Variants in TCEA2 observed in about 807,000 individuals in gnomAD.
TCEA2 encodes transcription elongation factor A protein 2.
In TCEA2, 21 loss-of-function variants were observed where a neutral mutation model predicts 40.8. That is an observed-to-expected ratio of 0.51 (90% CI 0.36 to 0.74). The LOEUF (loss-of-function observed/expected upper bound fraction) is 0.74, where lower values mean the gene tolerates loss of function less well. TCEA2 is among the 30% of genes least tolerant of loss of function. The probability of loss-of-function intolerance (pLI) is 0.00; values close to 1 mark genes in which losing one functional copy is unlikely to be tolerated. For synonymous variants in TCEA2, 165 were observed against 162.7 expected, an observed-to-expected ratio of 1.01 and a Z score of -0.11; for missense variants, 326 against 426.5, an observed-to-expected ratio of 0.76 and a Z score of 2.08.
At chr20:64,065,234 G>A (rs1358724047) in intron 1 of TCEA2, among the ~76,000 whole-genome samples, 1 of 152,164 alleles carries the variant, frequency 6.6e-6, no homozygotes, top group East Asian at 1.9e-4. Flanking sequence ...ATCACCTCAA[G>A]GCTGGACTCT....
At chr20:64,060,185 C>T (rs942734640), upstream of TCEA2, among the ~76,000 whole-genome samples, 2 of 152,232 alleles carry the variant, frequency 1.3e-5, no homozygotes, top group Non-Finnish European at 2.9e-5. Context: ...CCAGGAGGGG[C>T]CTCTCTGTGC....
chr20:64,071,409 G>A (rs1402800746), intron 8 of TCEA2, among the ~76,000 whole-genome samples: 4 of 151,650 alleles, frequency 2.6e-5, no homozygotes, highest in East Asian at 1.9e-4. Flanking sequence ...GATGGGACTC[G>A]TGAGGGGCTG....
chr20:64,068,581 G>A (rs79013497), intron 4 of TCEA2, among the ~76,000 whole-genome samples: 4,988 of 152,388 alleles, frequency 0.033, 261 homozygotes, highest in African/African-American at 0.11. Flanking sequence ...ACTGCTGCCA[G>A]GGGGTGATAA....
chr20:64,063,514 C>A, intron 1 of TCEA2, 130 bp downstream of exon 1: 1 of 1,114,448 alleles, frequency 9.0e-7, no homozygotes, highest in Non-Finnish European at 1.3e-6. Context: ...CAGAGACTAA[C>A]CGGGACGCAG....
At chr20:64,061,917 C>T (rs528106992), upstream of TCEA2, among the ~76,000 whole-genome samples, 7 of 151,972 alleles carry the variant, frequency 4.6e-5, no homozygotes, top group African/African-American at 1.4e-4. Flanking sequence ...TTTGTAGAGA[C>T]GGGGTTTCAC....
rs1322255065 is a variant in TCEA2 at position 64,067,023 on chromosome 20, G to A, written c.241+3G>A. 1 of 1,607,500 alleles carries A rather than the reference G, an allele frequency of 6.2e-7. No homozygotes were observed. The highest frequency in any genetic ancestry group is 8.5e-7 in the Non-Finnish European group (1 of 1,176,888). ...CAAGTCCTGGAAGAAGCTCCTGGGT[G>A]CGGCTCAGGCGGTGCCCACTGAGTG... On this transcript the variant is annotated splice_donor_region_variant and intron_variant, in intron 3 of 9. Transcript: ENST00000343484.
Position 64,066,988 on chromosome 20 carries a change from A to G in TCEA2, c.209A>G (p.Lys70Arg). 6.2e-7 allele frequency: 1 copy of G among 1,613,638 alleles called. No individual in the cohort carries two copies. The highest frequency in any genetic ancestry group is 1.1e-5 in the South Asian group (1 of 90,976). ...SSDEEVIALA[K>R]SLIKSWKKLL... ...GATGAGGAGGTCATTGCACTGGCCAAGTCTCTCATCAAGTCCTGGAAGAAG... is the reference window on the plus strand; with the variant it reads ...GATGAGGAGGTCATTGCACTGGCCAGGTCTCTCATCAAGTCCTGGAAGAAG... Residue 70 changes from lysine (K) to arginine (R), a missense_variant, in exon 3 of 10, where the codon AAG becomes AGG. Transcript: ENST00000343484.
At chr20:64,071,764 C>T in intron 8 of TCEA2, 106 bp from the exon 9 acceptor site, 1 of 1,373,546 alleles carries the variant, frequency 7.3e-7, no homozygotes, top group Non-Finnish European at 1.0e-6. Flanking sequence ...GATCAGGTCA[C>T]CTGTGGGAGC....
intron 8 of TCEA2, 22 bp downstream of exon 8, chr20:64,070,657 T>C: frequency 6.5e-7 from 1 of 1,529,138 alleles, no homozygotes; most frequent in Non-Finnish European, 8.8e-7. Flanking sequence ...CTGGGCACCC[T>C]CCCCCGGGCC....
upstream of TCEA2, among the ~76,000 whole-genome samples, chr20:64,061,270 T>A (rs1386714231): frequency 6.6e-6 from 1 of 150,624 alleles, no homozygotes; most frequent in Non-Finnish European, 1.5e-5. Context: ...CCGGCTAATT[T>A]TTTTTTTGTT....
chr20:64,072,194 T>C lies in TCEA2; in HGVS notation c.*14T>C, dbSNP rs775434639. On this transcript the variant is annotated 3_prime_UTR_variant, in exon 10 of 10. Coordinates refer to ENST00000343484, the MANE Select transcript of TCEA2 (RefSeq NM_003195.6). ...CAGTTCTGCTGACCCCTCGTGTAGA[T>C]GTGCTGCAGCCTTGGGCCCTCCCCG... 2 of 1,612,982 alleles carry C rather than the reference T, an allele frequency of 1.2e-6. No homozygotes were observed. Among genetic ancestry groups the C allele is most frequent in the Non-Finnish European group, 1.7e-6 (2 of 1,179,322 alleles).
rs1385118062 is a variant in TCEA2 at position 64,067,080 on chromosome 20, T to G, written c.241+60T>G. 3.3e-6 allele frequency: 5 copies of G among 1,504,002 alleles called. No homozygotes were observed. The East Asian group carries it at 9.7e-5, about 29-fold the overall frequency. The allele number at this position is 1,504,002 out of a possible 1,614,324, so 93.2% of individuals were successfully genotyped here. Reference sequence around the variant, plus strand: ...CAGGGGTCCCAGAAGTGCTGCCTCTTGCTGGTCAGCACAGTGTAGAGTGCT... The same window carrying G: ...CAGGGGTCCCAGAAGTGCTGCCTCTGGCTGGTCAGCACAGTGTAGAGTGCT... On this transcript the variant is annotated intron_variant, in intron 3 of 9. Coordinates refer to ENST00000343484, the MANE Select transcript of TCEA2 (RefSeq NM_003195.6).
upstream of TCEA2, among the ~76,000 whole-genome samples, chr20:64,059,193 CAAA>C (rs60812317): frequency 1.8e-4 from 16 of 91,246 alleles, no homozygotes; most frequent in African/African-American, 3.6e-4. Context: ...AACTCTGTCT[CAAA>C]AAAAAAAAAA....
intron 1 of TCEA2, chr20:64,063,928 C>G (rs997646868): frequency 6.5e-6 from 1 of 153,334 alleles, no homozygotes; most frequent in African/African-American, 2.4e-5. Flanking sequence ...CATTTGTCGC[C>G]GGCAACAGTT....
At chr20:64,065,255 A>G (rs2059663376) in intron 1 of TCEA2, among the ~76,000 whole-genome samples, 1 of 152,134 alleles carries the variant, frequency 6.6e-6, no homozygotes, top group African/African-American at 2.4e-5. Context: ...GTACAGCCCA[A>G]GAGGCAGGGC....
intron 1 of TCEA2, among the ~76,000 whole-genome samples, chr20:64,065,202 G>A (rs1221595079): frequency 6.6e-6 from 1 of 152,188 alleles, no homozygotes; most frequent in Non-Finnish European, 1.5e-5. Context: ...GCTTTCAGGG[G>A]ACAGTGGCCT....
At chr20:64,070,921 G>A (rs1358418215) in intron 8 of TCEA2, among the ~76,000 whole-genome samples, 1 of 152,234 alleles carries the variant, frequency 6.6e-6, no homozygotes, top group Non-Finnish European at 1.5e-5. Flanking sequence ...GGCCCTCGAG[G>A]TGTTGATGTT....
Position 64,068,148 on chromosome 20 carries a change from A to G in TCEA2, c.329+14A>G, listed in dbSNP as rs1219384586. Reference sequence around the variant, plus strand: ...CCCGGATCCCAGGTAGCACACCTGGAAGGCAGGTGCACACACTTCTGCTTC... The same window carrying G: ...CCCGGATCCCAGGTAGCACACCTGGGAGGCAGGTGCACACACTTCTGCTTC... On this transcript the variant is annotated intron_variant, in intron 4 of 9. Transcript: ENST00000343484. 6.3e-7 allele frequency: 1 copy of G among 1,596,558 alleles called. No individual in the cohort carries two copies. Among genetic ancestry groups the G allele is most frequent in the Non-Finnish European group, 8.6e-7 (1 of 1,168,130 alleles).
chr20:64,061,854 A>T (rs1601574769), upstream of TCEA2, among the ~76,000 whole-genome samples: 1 of 151,884 alleles, frequency 6.6e-6, no homozygotes, highest in East Asian at 1.9e-4. Context: ...TTAGCCTCCC[A>T]AGTAGCTGAG....
Sources: gnomAD v4.1 joint callset for allele counts (sites outside exome capture counted in the v4.1 genomes callset) on GRCh38, gnomAD v4.1.1 for gene constraint, MANE v1.5 for transcripts, NCBI Gene and HGNC (gene_info 2026-07-23, HGNC 2026-07-21) for gene names.